Variants in MAMSTR observed in about 807,000 individuals in gnomAD.
MAMSTR encodes MEF2-activating motif and SAP domain-containing transcriptional regulator.
A neutral mutation model predicts 42.7 loss-of-function variants in MAMSTR; 41 were observed. That is an observed-to-expected ratio of 0.96 (90% CI 0.75 to 1.25). MAMSTR has a LOEUF of 1.25. Ranked by LOEUF, MAMSTR falls within the 50% of genes most tolerant of loss-of-function variation. The pLI is 0.00. For missense variants in MAMSTR, 567 were observed against 557.6 expected (o/e 1.02, Z -0.17); for synonymous variants, 265 against 244.1 (o/e 1.09, Z -0.80).
At position 48,718,963 on chromosome 19, in the gene MAMSTR, C is replaced by G. The variant is rs1456254225; in HGVS notation, c.58+11G>C. ...TCCCATCCCCCACGCATAAAGAGAG[C>G]CCTCTCTCACCAGATCGGAACTTGG... is the stretch of plus-strand genomic sequence containing the variant. On this transcript the variant is annotated intron_variant, in intron 2 of 9. Transcript: ENST00000318083. 2 of 1,549,808 alleles carry G rather than the reference C, an allele frequency of 1.3e-6. No individual in the cohort carries two copies. The highest frequency in any genetic ancestry group is 2.7e-5 in the African/African-American group (2 of 72,974).
At position 48,719,194 on chromosome 19, in the gene MAMSTR, G is replaced by A. The variant is rs563567365; in HGVS notation, c.-21-142C>T. On this transcript the variant is annotated intron_variant, in intron 1 of 9. Coordinates refer to ENST00000318083, the MANE Select transcript of MAMSTR (RefSeq NM_001130915.2). This position sits in a 1 kb window ranked among gnomAD's most constrained non-coding sequence, Gnocchi z 4.4. ...GGAGCAGCCTTGGGCCATAACTTCC[G>A]GATCCCAGGGGCTGTAGAGGAGGGG... 3.2e-5 allele frequency: 20 copies of A among 621,100 alleles called. No homozygotes were observed. Among genetic ancestry groups the A allele is most frequent in the African/African-American group, 5.5e-5 (3 of 54,614 alleles). The allele number at this position is 621,100 out of a possible 1,614,324, so 38.5% of individuals were successfully genotyped here.
Position 48,716,749 on chromosome 19 carries a change from G to C in MAMSTR, c.59-6C>G. On this transcript the variant is annotated splice_region_variant and splice_polypyrimidine_tract_variant and intron_variant, in intron 2 of 9. Coordinates refer to ENST00000318083, the MANE Select transcript of MAMSTR (RefSeq NM_001130915.2). ...GTGGATCCGAAGCTGGAGGACTGTGGAGGGAGGAGGGAGGTGGGAGGAGGA... is the reference window on the plus strand; with the variant it reads ...GTGGATCCGAAGCTGGAGGACTGTGCAGGGAGGAGGGAGGTGGGAGGAGGA... 7.7e-7 allele frequency: 1 copy of C among 1,305,896 alleles called. No homozygotes were observed. 80.9% of individuals were successfully genotyped at this position (1,305,896 alleles called of 1,614,324 possible). A position where few individuals can be genotyped will look rare whatever the true frequency, so the allele number is the denominator to read the frequency against.
At chr19:48,715,505 G>T in intron 4 of MAMSTR, 59 bp from the exon 5 acceptor site, 1 of 1,463,776 alleles carries the variant, frequency 6.8e-7, no homozygotes, top group Non-Finnish European at 9.0e-7. Flanking sequence ...CCGGCCCCAG[G>T]ACTACATGCA....
intron 3 of MAMSTR, 42 bp downstream of exon 3, chr19:48,716,663 G>A: frequency 7.5e-7 from 1 of 1,334,380 alleles, no homozygotes; most frequent in South Asian, 2.1e-5. Flanking sequence ...CCAGTGGGGA[G>A]TGGGGGGTCA....
chr19:48,718,835 G>C, intron 2 of MAMSTR, 139 bp downstream of exon 2: 1 of 812,450 alleles, frequency 1.2e-6, no homozygotes, highest in Non-Finnish European at 2.0e-6. Flanking sequence ...GGACCCCTGT[G>C]CTTGGGCCTC....
At chr19:48,717,861 C>T (rs913342389) in intron 2 of MAMSTR, among the ~76,000 whole-genome samples, 4 of 152,140 alleles carry the variant, frequency 2.6e-5, no homozygotes, top group Non-Finnish European at 4.4e-5. Flanking sequence ...CACGCCGCCA[C>T]ACCCGGCTAA....
chr19:48,710,328 T>G (rs190683628), downstream of MAMSTR, among the ~76,000 whole-genome samples: 9 of 149,766 alleles, frequency 6.0e-5, no homozygotes, highest in East Asian at 1.8e-3. Context: ...TTGGCCAGGC[T>G]GGTCTCGAAC....
At chr19:48,715,496 C>T (rs957200027) in intron 4 of MAMSTR, 50 bp from the exon 5 acceptor site, 6 of 1,463,546 alleles carry the variant, frequency 4.1e-6, no homozygotes, top group Middle Eastern at 3.6e-4. Context: ...TCCCACCTTC[C>T]GGCCCCAGGA....
intron 5 of MAMSTR, 105 bp from the exon 6 acceptor site, chr19:48,715,013 G>A: frequency 1.3e-6 from 1 of 799,904 alleles, no homozygotes; most frequent in East Asian, 2.6e-5. Context: ...AGAAAAGTGA[G>A]GGTCCAGAAT....
At position 48,713,989 on chromosome 19, in the gene MAMSTR, C is replaced by T. The variant is rs568905558; in HGVS notation, c.780G>A (p.Pro260=). ...RPPLPRAADT[P]GTAPAPTPTP... Reference sequence around the variant, plus strand: ...TGGGAGTTGGAGCCGGAGCCGTCCCCGGGGTATCCGCGGCACGTGGAAGAG... The same window carrying T: ...TGGGAGTTGGAGCCGGAGCCGTCCCTGGGGTATCCGCGGCACGTGGAAGAG... The change falls in exon 8 of 10, where the codon CCG becomes CCA. Residue 260 remains proline, a synonymous_variant. Transcript: ENST00000318083. 6.2e-7 allele frequency: 1 copy of T among 1,612,270 alleles called. No homozygotes were observed. The highest frequency in any genetic ancestry group is 8.5e-7 in the Non-Finnish European group (1 of 1,179,394).
chr19:48,715,575 A>C, intron 4 of MAMSTR, 50 bp downstream of exon 4: 2 of 1,500,300 alleles, frequency 1.3e-6, no homozygotes, highest in Non-Finnish European at 1.8e-6. Flanking sequence ...GCAACAAGGG[A>C]GACAAAGACT....
chr19:48,714,649 A>C (rs2032917137), intron 6 of MAMSTR, 89 bp from the exon 7 acceptor site: 3 of 1,341,692 alleles, frequency 2.2e-6, no homozygotes, highest in Non-Finnish European at 1.0e-6. Flanking sequence ...GAAACCGAGA[A>C]AGGAGGCACT....
rs1377258544 is a variant in MAMSTR, at chr19:48,713,189, C to A, written c.*78G>T. On this transcript the variant is annotated 3_prime_UTR_variant, in exon 10 of 10. Transcript: ENST00000318083. ...TGTGTCTGCGGTAGGAGGGGCTCTGCTGGTAGTTCCCTCTCCTCCCACAAG... is the reference window on the plus strand; with the variant it reads ...TGTGTCTGCGGTAGGAGGGGCTCTGATGGTAGTTCCCTCTCCTCCCACAAG... 1.5e-5 allele frequency: 21 copies of A among 1,374,358 alleles called. No individual in the cohort carries two copies. Among genetic ancestry groups the A allele is most frequent in the Admixed American group, 2.5e-5 (1 of 40,406 alleles). 85.1% of individuals were successfully genotyped at this position (1,374,358 alleles called of 1,614,324 possible). A position where few individuals can be genotyped will look rare whatever the true frequency, so the allele number is the denominator to read the frequency against.
chr19:48,706,060 C>G, the MAMSTR span: 1 of 150,836 alleles, frequency 6.6e-6, no homozygotes, highest in African/African-American at 2.4e-5. Flanking sequence ...GTAAGGCGGG[C>G]GGATCACCTG....
chr19:48,714,585 G>A (rs1194903523), intron 6 of MAMSTR, 25 bp from the exon 7 acceptor site: 3 of 1,459,084 alleles, frequency 2.1e-6, no homozygotes, highest in African/African-American at 1.4e-5. Flanking sequence ...GGCGTGGGAA[G>A]AGGCAGTGCT....
chr19:48,715,432 G>A lies in MAMSTR; in HGVS notation c.255C>T (p.Ile85=), dbSNP rs1344156560. ...WRSPKKESPK[I]SQRWRESKPR... ...GCTTGGACTCCCTCCAACGTTGGGA[G>A]ATCTTGGGAGACTCCTGAAAGAGCA... The change falls in exon 5 of 10, where the codon ATC becomes ATT. Residue 85 remains isoleucine (I), a synonymous_variant. Transcript: ENST00000318083. 8 of 1,496,024 alleles carry A rather than the reference G, an allele frequency of 5.3e-6. No homozygotes were observed. The East Asian group carries it at 1.7e-4, about 32-fold the overall frequency. The allele number at this position is 1,496,024 out of a possible 1,614,324, so 92.7% of individuals were successfully genotyped here. A position where few individuals can be genotyped will look rare whatever the true frequency, so the allele number is the denominator to read the frequency against.
rs2032867705 is a variant in MAMSTR at position 48,714,136 on chromosome 19, T to C, written c.724-91A>G. The C allele has an allele frequency of 2.2e-6, 3 of 1,357,040 alleles. No individual in the cohort carries two copies. The South Asian group carries it at 4.5e-5, about 20-fold the overall frequency. The allele number at this position is 1,357,040 out of a possible 1,614,324, so 84.1% of individuals were successfully genotyped here. A position where few individuals can be genotyped will look rare whatever the true frequency, so the allele number is the denominator to read the frequency against. On this transcript the variant is annotated intron_variant, in intron 7 of 9. Coordinates refer to ENST00000318083, the MANE Select transcript of MAMSTR (RefSeq NM_001130915.2). Reference sequence around the variant, plus strand: ...AACGTGTGGCTCCACCCCTTGATCCTCTCGCGACCCCTCGCTCATCAACCC... The same window carrying C: ...AACGTGTGGCTCCACCCCTTGATCCCCTCGCGACCCCTCGCTCATCAACCC...
downstream of MAMSTR, among the ~76,000 whole-genome samples, chr19:48,711,307 C>T (rs182505697): frequency 1.3e-5 from 2 of 152,292 alleles, no homozygotes; most frequent in East Asian, 3.9e-4. Flanking sequence ...AGTGCTGACA[C>T]TGCATGGAGT....
intron 5 of MAMSTR, 80 bp downstream of exon 5, chr19:48,715,182 T>A: frequency 7.4e-7 from 1 of 1,343,188 alleles, no homozygotes; most frequent in Non-Finnish European, 1.0e-6. Context: ...AATCCCCTAA[T>A]CTTGGACTCG....
Sources: allele counts gnomAD v4.1 joint callset (sites outside exome capture counted in the v4.1 genomes callset), GRCh38; gene constraint gnomAD v4.1.1; non-coding constraint Gnocchi (gnomAD v3.1); transcripts MANE v1.5; gene names NCBI Gene and HGNC (gene_info 2026-07-23, HGNC 2026-07-21).